PIK3CB: variants seen among roughly 807,000 people sequenced by gnomAD.
The protein encoded by PIK3CB is phosphatidylinositol 4,5-bisphosphate 3-kinase catalytic subunit beta isoform.
A neutral mutation model predicts 136.8 loss-of-function variants in PIK3CB; 39 were observed. The ratio of observed to expected loss-of-function variants is 0.29; its 90% CI spans 0.22 to 0.37. The LOEUF is 0.37. Among genes scored for constraint, PIK3CB ranks in the 10% least tolerant of loss-of-function variants. PIK3CB has a pLI of 1.00. For missense variants in PIK3CB, 868 were observed against 1,275.4 expected (o/e 0.68, Z 4.87); for synonymous variants, 428 against 436.6 (o/e 0.98, Z 0.25).
chr3:138,712,647 ACCT>A (rs966412895), intron 9 of PIK3CB, among the ~76,000 whole-genome samples: 2 of 149,374 alleles, frequency 1.3e-5, no homozygotes, highest in African/African-American at 5.0e-5. Context: ...GCTCACTGCA[ACCT>A]CCACCTCCCA....
chr3:138,665,779 A>T (rs1271714632), intron 19 of PIK3CB, among the ~76,000 whole-genome samples: 1 of 152,178 alleles, frequency 6.6e-6, no homozygotes, highest in African/African-American at 2.4e-5. Context: ...CATGTTACCC[A>T]GGCTGCTCTT....
chr3:138,727,338 G>C (rs1411733282), intron 8 of PIK3CB, among the ~76,000 whole-genome samples: 1 of 152,240 alleles, frequency 6.6e-6, no homozygotes, highest in East Asian at 1.9e-4. Context: ...TCCTCAGTGA[G>C]ACTGACTTAT....
chr3:138,729,691 T>C (rs1437718690), intron 8 of PIK3CB, among the ~76,000 whole-genome samples: 1 of 152,208 alleles, frequency 6.6e-6, no homozygotes, highest in African/African-American at 2.4e-5. Flanking sequence ...CTGGCATTCC[T>C]GGTTCTCAGG....
At chr3:138,656,817 C>T (rs2043199702) in intron 22 of PIK3CB, among the ~76,000 whole-genome samples, 1 of 152,218 alleles carries the variant, frequency 6.6e-6, no homozygotes, top group Admixed American at 6.5e-5. Context: ...GTCTCCCAGG[C>T]TGGAGTGCAG....
intron 1 of PIK3CB, among the ~76,000 whole-genome samples, chr3:138,808,216 C>A (rs144733810): frequency 6.6e-6 from 1 of 152,030 alleles, no homozygotes; most frequent in East Asian, 1.9e-4. Flanking sequence ...AAACTTCTGA[C>A]GGAACCCCAT....
At chr3:138,721,902 A>C (rs780845521) in intron 8 of PIK3CB, among the ~76,000 whole-genome samples, 5 of 152,192 alleles carry the variant, frequency 3.3e-5, no homozygotes, top group Non-Finnish European at 1.5e-5. Context: ...AGGATTCCCT[A>C]AGCATATCTC....
chr3:138,678,895 G>A lies in PIK3CB; in HGVS notation c.2504+3072C>T, dbSNP rs140943054. 6.0e-4 allele frequency among the ~76,000 whole-genome samples: 91 copies of A among 151,954 alleles called. 2 individuals are homozygous for A. Among genetic ancestry groups the A allele is most frequent in the East Asian group, 2.7e-3 (14 of 5,172 alleles). ...AGCCTGGCCAACATGGTGAAACCTC[G>A]TCTCTACTAAAAATACAAAAATTAA... On this transcript the variant is annotated intron_variant, in intron 19 of 23. Transcript: ENST00000674063.
chr3:138,699,179 T>A, intron 12 of PIK3CB, 84 bp from the exon 13 acceptor site: 1 of 406,102 alleles, frequency 2.5e-6, no homozygotes, highest in Non-Finnish European at 4.1e-6. Flanking sequence ...TATTTATATA[T>A]AATAAATGAA....
chr3:138,736,365 A>C (rs2045103121), intron 6 of PIK3CB, among the ~76,000 whole-genome samples: 4 of 152,226 alleles, frequency 2.6e-5, no homozygotes, highest in Admixed American at 2.6e-4. Flanking sequence ...TTATCTGCTA[A>C]TAAATTGCAG....
chr3:138,670,472 G>C (rs2043511141), intron 19 of PIK3CB, among the ~76,000 whole-genome samples: 1 of 152,160 alleles, frequency 6.6e-6, no homozygotes, highest in Admixed American at 6.5e-5. Flanking sequence ...TATAGGAGGA[G>C]TTGGTAAACT....
chr3:138,780,297 C>T (rs35418202), intron 2 of PIK3CB, among the ~76,000 whole-genome samples: 1 of 150,760 alleles, frequency 6.6e-6, no homozygotes, highest in Admixed American at 6.6e-5. Flanking sequence ...TTTGAGACGG[C>T]GTCTTGCTCT....
chr3:138,807,097 T>A (rs181801156), intron 1 of PIK3CB, among the ~76,000 whole-genome samples: 41 of 152,318 alleles, frequency 2.7e-4, no homozygotes, highest in African/African-American at 9.4e-4. Flanking sequence ...TATCTTGGGA[T>A]AATACAGGAT....
chr3:138,692,762 T>C (rs1403942134), intron 14 of PIK3CB, among the ~76,000 whole-genome samples: 1 of 152,216 alleles, frequency 6.6e-6, no homozygotes, highest in Non-Finnish European at 1.5e-5. Context: ...TGGGCTTTTA[T>C]GTTTCAAAAA....
intron 8 of PIK3CB, among the ~76,000 whole-genome samples, chr3:138,716,179 C>T (rs2044602591): frequency 6.6e-6 from 1 of 152,092 alleles, no homozygotes; most frequent in Non-Finnish European, 1.5e-5. Context: ...GCAGTAAATC[C>T]TCAGGTCACT....
chr3:138,701,961 T>C (rs1227688562), intron 12 of PIK3CB, among the ~76,000 whole-genome samples: 1 of 150,782 alleles, frequency 6.6e-6, no homozygotes, highest in East Asian at 1.9e-4. Flanking sequence ...TATATATGTA[T>C]ATATAGATCT....
At chr3:138,830,954 A>T (rs561472686) in intron 1 of PIK3CB, among the ~76,000 whole-genome samples, 101 of 138,654 alleles carry the variant, frequency 7.3e-4, no homozygotes, top group African/African-American at 2.5e-3. Context: ...ATAATAATAA[A>T]GCAGGAACTC....
intron 1 of PIK3CB, among the ~76,000 whole-genome samples, chr3:138,805,073 G>A (rs991663468): frequency 2.0e-5 from 3 of 150,628 alleles, no homozygotes; most frequent in African/African-American, 4.9e-5. Context: ...GGTGGCTCAC[G>A]CCTGTAAACC....
intron 2 of PIK3CB, among the ~76,000 whole-genome samples, chr3:138,768,287 C>G (rs2108756707): frequency 6.6e-6 from 1 of 152,290 alleles, no homozygotes; most frequent in South Asian, 2.1e-4. Context: ...AGAGGAGGCC[C>G]TGGAGTGGGT....
chr3:138,693,992 A>ATATC, intron 14 of PIK3CB, among the ~76,000 whole-genome samples: 1 of 113,326 alleles, frequency 8.8e-6, no homozygotes, highest in Non-Finnish European at 1.8e-5. Flanking sequence ...ATATATATAT[A>ATATC]TTTTAAACCC....
Sources: allele counts gnomAD v4.1 joint callset (sites outside exome capture counted in the v4.1 genomes callset), GRCh38; gene constraint gnomAD v4.1.1; transcripts MANE v1.5; gene names NCBI Gene and HGNC (gene_info 2026-07-23, HGNC 2026-07-21).